Variants in CACNA2D3 observed in about 807,000 individuals in gnomAD.
CACNA2D3 encodes voltage-dependent calcium channel subunit alpha-2/delta-3.
In CACNA2D3, 60 loss-of-function variants were observed where a neutral mutation model predicts 160.6. That is an observed-to-expected ratio of 0.37 (90% CI 0.30 to 0.46). The LOEUF is 0.46. Among genes scored for constraint, CACNA2D3 ranks in the 20% least tolerant of loss-of-function variants. The pLI, the probability that CACNA2D3 is intolerant of heterozygous loss-of-function variation, is 1.00. For synonymous variants in CACNA2D3, 558 were observed against 492.9 expected, an observed-to-expected ratio of 1.13 and a Z score of -1.75; for missense variants, 1,205 against 1,365.0, an observed-to-expected ratio of 0.88 and a Z score of 1.85.
chr3:54,422,837 C>G (rs1167017460), intron 4 of CACNA2D3, among the ~76,000 whole-genome samples: 1 of 152,130 alleles, frequency 6.6e-6, no homozygotes, highest in Non-Finnish European at 1.5e-5. Flanking sequence ...GAAACACTAA[C>G]TAACACATGT....
At chr3:54,489,442 G>A (rs542610644) in intron 4 of CACNA2D3, among the ~76,000 whole-genome samples, 1 of 152,200 alleles carries the variant, frequency 6.6e-6, no homozygotes, top group Non-Finnish European at 1.5e-5. Context: ...GAACTTGCTG[G>A]TGTTCGGCAC....
chr3:54,763,258 T>A (rs1413659625), intron 12 of CACNA2D3, among the ~76,000 whole-genome samples: 1 of 152,066 alleles, frequency 6.6e-6, no homozygotes, highest in South Asian at 2.1e-4. Flanking sequence ...CCTGGACTCA[T>A]CATCTGTATT....
At chr3:54,750,212 A>T (rs1225641752) in intron 11 of CACNA2D3, among the ~76,000 whole-genome samples, 2 of 152,210 alleles carry the variant, frequency 1.3e-5, no homozygotes, top group Non-Finnish European at 2.9e-5. Context: ...TAGACAGCAG[A>T]GGAGGCTGGC....
At chr3:54,233,039 A>G (rs1701805326) in intron 2 of CACNA2D3, among the ~76,000 whole-genome samples, 1 of 152,216 alleles carries the variant, frequency 6.6e-6, no homozygotes, top group Non-Finnish European at 1.5e-5. Context: ...CAGAAAGACA[A>G]ATATGGCGGG....
intron 9 of CACNA2D3, among the ~76,000 whole-genome samples, chr3:54,584,544 AC>A (rs766663780): frequency 1.4e-4 from 22 of 151,856 alleles, no homozygotes; most frequent in African/African-American, 2.2e-4. Context: ...AGGGACAATA[AC>A]AAAAAAATAT....
intron 35 of CACNA2D3, among the ~76,000 whole-genome samples, chr3:55,060,613 C>T (rs1575457801): frequency 6.6e-6 from 1 of 152,066 alleles, no homozygotes; most frequent in Admixed American, 6.5e-5. Context: ...ATTAAGTAAA[C>T]ACTCCGTAAA....
At chr3:54,204,214 T>C (rs1193188002) in intron 2 of CACNA2D3, among the ~76,000 whole-genome samples, 1 of 152,064 alleles carries the variant, frequency 6.6e-6, no homozygotes, top group African/African-American at 2.4e-5. Flanking sequence ...AGATGGCAGA[T>C]TGTGGGACTG....
chr3:54,455,588 A>G (rs1424436505), intron 4 of CACNA2D3, among the ~76,000 whole-genome samples: 1 of 151,684 alleles, frequency 6.6e-6, no homozygotes, highest in East Asian at 1.9e-4. Flanking sequence ...ATATAATTCC[A>G]TTTGTCTATT....
intron 4 of CACNA2D3, among the ~76,000 whole-genome samples, chr3:54,465,954 G>T (rs1478699829): frequency 2.0e-5 from 3 of 152,076 alleles, no homozygotes; most frequent in Non-Finnish European, 2.9e-5. Context: ...GTTTCATATG[G>T]TTATGAGACT....
At chr3:54,658,149 A>G (rs1382907277) in intron 11 of CACNA2D3, among the ~76,000 whole-genome samples, 2 of 152,260 alleles carry the variant, frequency 1.3e-5, no homozygotes, top group African/African-American at 4.8e-5. Flanking sequence ...ACATGGGTAT[A>G]CAGATAACCT....
At chr3:55,019,124 A>G (rs1403774580) in intron 35 of CACNA2D3, among the ~76,000 whole-genome samples, 1 of 121,318 alleles carries the variant, frequency 8.2e-6, no homozygotes, top group Non-Finnish European at 1.6e-5. Context: ...TAATAAGTCT[A>G]GTCATGGGCT....
At chr3:54,654,947 A>C (rs1431960386) in intron 11 of CACNA2D3, among the ~76,000 whole-genome samples, 1 of 152,148 alleles carries the variant, frequency 6.6e-6, no homozygotes, top group Non-Finnish European at 1.5e-5. Context: ...TATTGGCCAG[A>C]CCAGGCAGAC....
intron 2 of CACNA2D3, among the ~76,000 whole-genome samples, chr3:54,153,308 T>C (rs1410863255): frequency 6.6e-6 from 1 of 152,226 alleles, no homozygotes; most frequent in East Asian, 1.9e-4. Context: ...CCTGCCTGAA[T>C]CCTTTACTTG....
chr3:55,018,512 A>C (rs565543327), intron 35 of CACNA2D3, among the ~76,000 whole-genome samples, 195 bp downstream of exon 35: 87 of 152,350 alleles, frequency 5.7e-4, no homozygotes, highest in Middle Eastern at 6.8e-3. Context: ...ACTGGGAAGC[A>C]TTCAGAATGC....
At chr3:54,880,501 A>G (rs765236967) in intron 20 of CACNA2D3, among the ~76,000 whole-genome samples, 2 of 152,214 alleles carry the variant, frequency 1.3e-5, no homozygotes, top group Admixed American at 6.5e-5. Context: ...TTGGGAGGGC[A>G]TCTGAGAGAA....
intron 27 of CACNA2D3, among the ~76,000 whole-genome samples, chr3:54,921,460 A>T (rs968389060): frequency 6.6e-6 from 1 of 152,156 alleles, no homozygotes; most frequent in Non-Finnish European, 1.5e-5. Flanking sequence ...AATATTAATC[A>T]TACAATCTGT....
In CACNA2D3 at chr3:54,361,900, G is replaced by A. The variant is rs966291960; in HGVS notation, c.322-24815G>A. Among the ~76,000 whole-genome samples the A allele has an allele frequency of 5.3e-5, 8 of 152,294 alleles. No homozygotes were observed. The East Asian group carries it at 7.7e-4, about 15-fold the overall frequency. On this transcript the variant is annotated intron_variant, in intron 3 of 37. Transcript: ENST00000474759. ...GTCTGGTGGAATTTTATGCATGTGC[G>A]TGTGTGTCTGTACATGCATACACTT...
At chr3:55,052,173 T>A (rs13063114) in intron 35 of CACNA2D3, among the ~76,000 whole-genome samples, 31,534 of 152,198 alleles carry the variant, frequency 0.21, 3,630 homozygotes, top group Admixed American at 0.27. Flanking sequence ...ATTTTCCTTA[T>A]GGCTTCCTCT....
intron 2 of CACNA2D3, among the ~76,000 whole-genome samples, chr3:54,137,275 C>T (rs773539151): frequency 7.9e-5 from 12 of 152,220 alleles, no homozygotes; most frequent in Non-Finnish European, 1.3e-4. Flanking sequence ...CCCACATACA[C>T]GTCTGCTTGT....
Sources: allele counts gnomAD v4.1 joint callset (sites outside exome capture counted in the v4.1 genomes callset), GRCh38; gene constraint gnomAD v4.1.1; transcripts MANE v1.5; gene names NCBI Gene and HGNC (gene_info 2026-07-23, HGNC 2026-07-21).